LSMEM1: variants seen among roughly 807,000 people sequenced by gnomAD.
The protein encoded by LSMEM1 is leucine rich single-pass membrane protein 1.
In LSMEM1, 10 loss-of-function variants were observed where a neutral mutation model predicts 11.3. That is an observed-to-expected ratio of 0.89 (90% confidence interval 0.55 to 1.50). The LOEUF (loss-of-function observed/expected upper bound fraction) is 1.50, where lower values mean the gene tolerates loss of function less well. Ranked by LOEUF, LSMEM1 falls within the 40% of genes most tolerant of loss-of-function variation. LSMEM1 has a pLI of 0.00. For missense variants in LSMEM1, 151 were observed against 152.9 expected (o/e 0.99, Z 0.06); for synonymous variants, 65 against 59.3 (o/e 1.10, Z -0.44).
intron 2 of LSMEM1, chr7:112,486,178 G>C (rs936226837): frequency 7.1e-5 from 14 of 198,422 alleles, no homozygotes; most frequent in African/African-American, 2.8e-4. Flanking sequence ...AGTTTCCAGG[G>C]AAATATCCCA....
chr7:112,488,009 A>G lies in LSMEM1; in HGVS notation c.256+958A>G, dbSNP rs111540740. Among the ~76,000 whole-genome samples the G allele has an allele frequency of 5.9e-3, 893 of 152,264 alleles. 8 individuals are homozygous for G. Among genetic ancestry groups the G allele is most frequent in the African/African-American group, 0.02 (824 of 41,528 alleles). ...GCAGAGGTGATGATGACGATGAGAG[A>G]AGACAGGTGGGCAGAGTTCATGATG... is the stretch of plus-strand genomic sequence containing the variant. On this transcript the variant is annotated intron_variant, in intron 3 of 3. Coordinates refer to ENST00000312849, the MANE Select transcript of LSMEM1 (RefSeq NM_182597.3).
In LSMEM1 at chr7:112,484,954, TG is replaced by T; in HGVS notation, c.127+15del. 6.3e-7 allele frequency: 1 copy of T among 1,581,078 alleles called. No individual in the cohort carries two copies. Among genetic ancestry groups the T allele is most frequent in the East Asian group, 2.3e-5 (1 of 42,776 alleles). ...CGCAGCATCTGTTCCGTATGTGTGC[TG>T]GGGAAGGCACAGCAGCCCTTCCTAG... On this transcript the variant is annotated intron_variant, in intron 2 of 3. Transcript: ENST00000312849.
intron 2 of LSMEM1, 35 bp from the exon 3 acceptor site, chr7:112,486,888 G>C: frequency 6.2e-7 from 1 of 1,613,306 alleles, no homozygotes; most frequent in Non-Finnish European, 8.5e-7. Context: ...ATGCTGAGCA[G>C]TTTTTGTCCT....
intron 1 of LSMEM1, chr7:112,483,476 A>AT (rs1418145086): frequency 1.3e-5 from 2 of 152,226 alleles, no homozygotes; most frequent in Admixed American, 1.3e-4. Flanking sequence ...GAAGAATAGG[A>AT]TTCGTCCCTA....
intron 1 of LSMEM1, chr7:112,483,613 T>C (rs1796073907): frequency 6.6e-6 from 1 of 152,256 alleles, no homozygotes; most frequent in Admixed American, 6.5e-5. Flanking sequence ...ACAGGTTGGT[T>C]CTCTCTTCCT....
At chr7:112,484,752 C>G in intron 1 of LSMEM1, 60 bp from the exon 2 acceptor site, 5 of 1,569,780 alleles carry the variant, frequency 3.2e-6, no homozygotes, top group Non-Finnish European at 4.3e-6. Context: ...GGCTGTGGTT[C>G]TTGTGAAGTT....
rs1317932123 is a variant in LSMEM1, at chr7:112,481,275, A to G, written c.-77A>G. The G allele has an allele frequency of 7.9e-6, 1 of 126,022 alleles. No homozygotes were observed. Among genetic ancestry groups the G allele is most frequent in the Non-Finnish European group, 1.8e-5 (1 of 55,078 alleles). 7.8% of individuals were successfully genotyped at this position (126,022 alleles called of 1,614,324 possible). On this transcript the variant is annotated 5_prime_UTR_variant, in exon 1 of 4. Coordinates refer to ENST00000312849, the MANE Select transcript of LSMEM1 (RefSeq NM_182597.3). ...AGTTTTGTTGTAGTTGCTTCTGAACAATTAGTTTTTGTTTGTTTGTTTTGT... is the reference window on the plus strand; with the variant it reads ...AGTTTTGTTGTAGTTGCTTCTGAACGATTAGTTTTTGTTTGTTTGTTTTGT...
At chr7:112,482,772 T>C (rs181189444) in intron 1 of LSMEM1, among the ~76,000 whole-genome samples, 1 of 152,324 alleles carries the variant, frequency 6.6e-6, no homozygotes, top group African/African-American at 2.4e-5. Context: ...CTTTTTAATT[T>C]TTTTTAATTG....
At chr7:112,485,611 ATCCTT>A (rs1796113915) in intron 2 of LSMEM1, among the ~76,000 whole-genome samples, 1 of 152,096 alleles carries the variant, frequency 6.6e-6, no homozygotes, top group African/African-American at 2.4e-5. Context: ...TCCTGTCTAA[ATCCTT>A]TCCAAGTTCC....
chr7:112,486,573 G>A (rs560154038), intron 2 of LSMEM1: 34 of 304,664 alleles, frequency 1.1e-4, no homozygotes, highest in South Asian at 9.5e-4. Context: ...TCAGGAGATT[G>A]AGACCATCCT....
At chr7:112,480,518 T>C (rs112112419), upstream of LSMEM1, among the ~76,000 whole-genome samples, 103 of 152,342 alleles carry the variant, frequency 6.8e-4, no homozygotes, top group African/African-American at 2.3e-3. Context: ...CCTGCTGAGA[T>C]AGTTGGTCTC....
At chr7:112,481,627 G>A (rs1425072934) in intron 1 of LSMEM1, among the ~76,000 whole-genome samples, 1 of 139,196 alleles carries the variant, frequency 7.2e-6, no homozygotes, top group Admixed American at 7.2e-5. Flanking sequence ...AGTTATTTCT[G>A]TGGTTTGATA....
chr7:112,480,663 G>A (rs545838720), upstream of LSMEM1, among the ~76,000 whole-genome samples: 5 of 152,346 alleles, frequency 3.3e-5, 1 homozygote, highest in African/African-American at 1.2e-4. Flanking sequence ...CAAAGCCTTT[G>A]TAAAGGAAAG....
Position 112,481,034 on chromosome 7 carries a change from G to T in LSMEM1, c.-318G>T. On this transcript the variant is annotated 5_prime_UTR_variant, in exon 1 of 4. It removes an upstream start codon present in the reference 5' UTR. Coordinates refer to ENST00000312849, the MANE Select transcript of LSMEM1 (RefSeq NM_182597.3). ...TCAGTTACCAACTAAATCAGGGCAT[G>T]GTGTTTTTTTGTTGTTTTCTTTTTA... 4 of 349,092 alleles carry T rather than the reference G, an allele frequency of 1.1e-5. No homozygotes were observed. The highest frequency in any genetic ancestry group is 2.2e-5 in the South Asian group (1 of 45,852). 21.6% of individuals were successfully genotyped at this position (349,092 alleles called of 1,614,324 possible). A position where few individuals can be genotyped will look rare whatever the true frequency, so the allele number is the denominator to read the frequency against.
In LSMEM1 at chr7:112,487,086, G is replaced by A. The variant is rs780985325; in HGVS notation, c.256+35G>A. The A allele has an allele frequency of 7.5e-6, 12 of 1,606,492 alleles. No homozygotes were observed. The South Asian group carries it at 1.2e-4, about 16-fold the overall frequency. On this transcript the variant is annotated intron_variant, in intron 3 of 3. Coordinates refer to ENST00000312849, the MANE Select transcript of LSMEM1 (RefSeq NM_182597.3). ...ACCACAGGTTTCTTTTTTATTACTT[G>A]TATGCATTTATTCATAGCTGGTTAA...
intron 3 of LSMEM1, among the ~76,000 whole-genome samples, chr7:112,488,321 C>A (rs1429502952): frequency 1.3e-5 from 2 of 152,220 alleles, no homozygotes; most frequent in African/African-American, 4.8e-5. Context: ...TGAACCGTTA[C>A]TCCAACATAA....
intron 2 of LSMEM1, among the ~76,000 whole-genome samples, chr7:112,485,741 C>A (rs180746433): frequency 6.6e-6 from 1 of 151,908 alleles, no homozygotes; most frequent in Non-Finnish European, 1.5e-5. Context: ...GATTAGGAAG[C>A]AAAAGTGGCT....
intron 2 of LSMEM1, 123 bp from the exon 3 acceptor site, chr7:112,486,799 GC>G: frequency 7.4e-7 from 1 of 1,353,546 alleles, no homozygotes. Context: ...CACTTTCTAG[GC>G]TTGTCAGAGA....
rs770389548 is a variant in LSMEM1 at position 112,490,012 on chromosome 7, A to T, written c.*63A>T. 2 of 1,544,570 alleles carry T rather than the reference A, an allele frequency of 1.3e-6. No homozygotes were observed. The highest frequency in any genetic ancestry group is 1.7e-6 in the Non-Finnish European group (2 of 1,147,068). On this transcript the variant is annotated 3_prime_UTR_variant, in exon 4 of 4. Transcript: ENST00000312849. Reference sequence around the variant, plus strand: ...GCTTTTTACTTTCCTGGGAGTGTACAGGGTTAGGAACTGAGAAAGTGCACT... The same window carrying T: ...GCTTTTTACTTTCCTGGGAGTGTACTGGGTTAGGAACTGAGAAAGTGCACT...
Sources: gnomAD v4.1 joint callset for allele counts (sites outside exome capture counted in the v4.1 genomes callset) on GRCh38, gnomAD v4.1.1 for gene constraint, MANE v1.5 for transcripts, NCBI Gene and HGNC (gene_info 2026-07-23, HGNC 2026-07-21) for gene names.